The following ANGPT4 variants were observed in gnomAD, a reference collection of about 807,000 sequenced individuals.
The protein encoded by ANGPT4 is angiopoietin-4.
ANGPT4 carries 50 observed loss-of-function variants against 53.0 expected under a neutral mutation model. That is an observed-to-expected ratio of 0.94 (90% confidence interval 0.75 to 1.20). The LOEUF is 1.20. Ranked by LOEUF, ANGPT4 falls within the 50% of genes most tolerant of loss-of-function variation. ANGPT4 has a pLI of 0.00. For missense variants in ANGPT4, 648 were observed against 637.1 expected (o/e 1.02, Z -0.18); for synonymous variants, 251 against 259.7 (o/e 0.97, Z 0.32).
intron 1 of ANGPT4, among the ~76,000 whole-genome samples, chr20:907,818 T>C (rs970084648): frequency 5.3e-5 from 8 of 152,154 alleles, no homozygotes; most frequent in African/African-American, 1.9e-4. Flanking sequence ...AAGTATGTTC[T>C]AGACACAGGG....
chr20:898,300 C>G (rs969490555), intron 1 of ANGPT4, among the ~76,000 whole-genome samples: 1 of 152,200 alleles, frequency 6.6e-6, no homozygotes, highest in Non-Finnish European at 1.5e-5. Flanking sequence ...CTTACAGTTT[C>G]GTTCTGCAAC....
chr20:885,051 A>T, intron 4 of ANGPT4, 27 bp downstream of exon 4: 1 of 1,612,932 alleles, frequency 6.2e-7, no homozygotes. Flanking sequence ...GTCTTTAGCC[A>T]CACTGGGGCG....
At chr20:893,696 C>A (rs1981934176) in intron 1 of ANGPT4, among the ~76,000 whole-genome samples, 1 of 152,182 alleles carries the variant, frequency 6.6e-6, no homozygotes, top group Non-Finnish European at 1.5e-5. Context: ...TCCTCAGCTC[C>A]CATCGCCCCT....
chr20:915,451 G>C (rs1043830775), intron 1 of ANGPT4, among the ~76,000 whole-genome samples: 3 of 152,082 alleles, frequency 2.0e-5, no homozygotes, highest in African/African-American at 7.3e-5. Flanking sequence ...TTGTTCTCTG[G>C]GTTCAAATGT....
At chr20:899,549 G>A (rs911760714) in intron 1 of ANGPT4, among the ~76,000 whole-genome samples, 10 of 152,018 alleles carry the variant, frequency 6.6e-5, no homozygotes, top group Non-Finnish European at 1.3e-4. Flanking sequence ...CACCGCCCCC[G>A]GCCTGGGACA....
intron 1 of ANGPT4, among the ~76,000 whole-genome samples, chr20:898,640 C>T (rs937208992): frequency 2.5e-4 from 38 of 152,318 alleles, no homozygotes; most frequent in Admixed American, 2.5e-3. Context: ...ATGAACCTTG[C>T]CTTCAAGGTG....
intron 6 of ANGPT4, among the ~76,000 whole-genome samples, chr20:878,572 G>T (rs1438857366): frequency 6.6e-6 from 1 of 152,234 alleles, no homozygotes; most frequent in South Asian, 2.1e-4. Flanking sequence ...TTCCTCTGAA[G>T]TTCAAGAACA....
At chr20:906,336 G>A (rs543172370) in intron 1 of ANGPT4, among the ~76,000 whole-genome samples, 25 of 152,240 alleles carry the variant, frequency 1.6e-4, no homozygotes, top group Non-Finnish European at 3.4e-4. Flanking sequence ...AGGAGGCCGA[G>A]CCCCAGCCCA....
chr20:894,947 G>A (rs1304768569), intron 1 of ANGPT4, among the ~76,000 whole-genome samples: 1 of 152,160 alleles, frequency 6.6e-6, no homozygotes, highest in Admixed American at 6.5e-5. Context: ...AAGTGGCTGG[G>A]CAGGGCAAAG....
chr20:896,018 T>A (rs1452495022), intron 1 of ANGPT4, among the ~76,000 whole-genome samples: 1 of 152,204 alleles, frequency 6.6e-6, no homozygotes. Flanking sequence ...TGGAACTATA[T>A]GTGAAAAGGG....
chr20:878,238 C>T lies in ANGPT4; in HGVS notation c.1143G>A (p.Glu381=). The change falls in exon 7 of 9, where the codon GAG becomes GAA. Residue 381 remains glutamate (E), a synonymous_variant. Transcript: ENST00000381922. ...TRRAAYSLRV[E]LQDWEGHEAY... ...CCTCGTGGCCTTCCCAGTCTTGCAG[C>T]TCCACACGCAGAGAGTAGGCTGCCC... The T allele has an allele frequency of 1.2e-6, 2 of 1,613,416 alleles. No homozygotes were observed. Among genetic ancestry groups the T allele is most frequent in the South Asian group, 2.2e-5 (2 of 91,074 alleles).
In ANGPT4 at chr20:872,776, AC is replaced by A. The variant is rs1274748693; in HGVS notation, c.*183del. 3.0e-6 allele frequency: 2 copies of A among 677,240 alleles called. No homozygotes were observed. The highest frequency in any genetic ancestry group is 5.4e-5 in the East Asian group (2 of 36,736). The allele number at this position is 677,240 out of a possible 1,614,324, so 42.0% of individuals were successfully genotyped here. A position where few individuals can be genotyped will look rare whatever the true frequency, so the allele number is the denominator to read the frequency against. On this transcript the variant is annotated 3_prime_UTR_variant, in exon 9 of 9. Transcript: ENST00000381922. ...ATGGGCCCCGAACACCCTCCATGTCACAGACGGAGGGGAGTTGGGGGGCAGA... is the reference window on the plus strand; with the variant it reads ...ATGGGCCCCGAACACCCTCCATGTCAAGACGGAGGGGAGTTGGGGGGCAGA...
At chr20:873,809 C>G (rs1484957270) in intron 8 of ANGPT4, among the ~76,000 whole-genome samples, 1 of 152,138 alleles carries the variant, frequency 6.6e-6, no homozygotes, top group East Asian at 1.9e-4. Context: ...CTCAGAAGGT[C>G]TCTCCCCCTG....
rs929642993 is a variant in ANGPT4, at chr20:908,656, C to T, written c.309+7250G>A. Among the ~76,000 whole-genome samples, 2 of 152,172 alleles carry T rather than the reference C, an allele frequency of 1.3e-5. No individual in the cohort carries two copies. The highest frequency in any genetic ancestry group is 2.4e-5 in the African/African-American group (1 of 41,442). On this transcript the variant is annotated intron_variant, in intron 1 of 8. Transcript: ENST00000381922. The surrounding 1 kb of genome is among the most constrained non-coding windows in gnomAD (Gnocchi z 4.9). Reference sequence around the variant, plus strand: ...CTAAATCCTTGTCACTTGCATGGCGCCTGGCGCATTGTAAGCCCTCAATAA... The same window carrying T: ...CTAAATCCTTGTCACTTGCATGGCGTCTGGCGCATTGTAAGCCCTCAATAA...
chr20:892,560 A>G (rs947723620), intron 1 of ANGPT4, among the ~76,000 whole-genome samples: 2 of 150,304 alleles, frequency 1.3e-5, no homozygotes, highest in Non-Finnish European at 3.0e-5. Flanking sequence ...GCACCACTGC[A>G]CTCCAGCCTG....
chr20:889,435 G>A (rs911852396), intron 2 of ANGPT4, among the ~76,000 whole-genome samples: 1 of 152,208 alleles, frequency 6.6e-6, no homozygotes, highest in African/African-American at 2.4e-5. Context: ...CATACAGCAT[G>A]TGACTGCACC....
At chr20:874,203 A>C in intron 8 of ANGPT4, 81 bp downstream of exon 8, 1 of 1,579,320 alleles carries the variant, frequency 6.3e-7, no homozygotes, top group South Asian at 1.2e-5. Context: ...ACCTGGGCGC[A>C]CAAGAACCTG....
At chr20:876,135 G>A (rs1255756499) in intron 7 of ANGPT4, among the ~76,000 whole-genome samples, 2 of 119,436 alleles carry the variant, frequency 1.7e-5, no homozygotes, top group Non-Finnish European at 3.3e-5. Flanking sequence ...AACAGAGTAA[G>A]CCCTGTCTCA....
intron 1 of ANGPT4, among the ~76,000 whole-genome samples, chr20:898,762 G>A (rs111454614): frequency 3.2e-4 from 48 of 152,274 alleles, no homozygotes; most frequent in African/African-American, 1.0e-3. Context: ...ACTTCAAAAC[G>A]CCTAAGCCGC....
Sources: allele counts gnomAD v4.1 joint callset (sites outside exome capture counted in the v4.1 genomes callset), GRCh38; gene constraint gnomAD v4.1.1; non-coding constraint Gnocchi (gnomAD v3.1); transcripts MANE v1.5; gene names NCBI Gene and HGNC (gene_info 2026-07-23, HGNC 2026-07-21).